The following ZDHHC14 variants were observed in gnomAD, a reference collection of about 807,000 sequenced individuals.
The protein encoded by ZDHHC14 is palmitoyltransferase ZDHHC14.
In ZDHHC14, 16 loss-of-function variants were observed where a neutral mutation model predicts 47.7. That is an observed-to-expected ratio of 0.34 (90% CI 0.23 to 0.51). The LOEUF (loss-of-function observed/expected upper bound fraction) is 0.51. Among genes scored for constraint, ZDHHC14 ranks in the 20% least tolerant of loss-of-function variants. ZDHHC14 has a pLI of 0.97. For synonymous variants in ZDHHC14, 293 were observed against 278.9 expected (o/e 1.05, Z -0.50); for missense variants, 515 against 662.5 (o/e 0.78, Z 2.44).
At chr6:157,453,980 T>C (rs1338475448) in intron 1 of ZDHHC14, among the ~76,000 whole-genome samples, 1 of 152,230 alleles carries the variant, frequency 6.6e-6, no homozygotes, top group Non-Finnish European at 1.5e-5. Flanking sequence ...GTGGGGTGTG[T>C]AACTTAGGTT....
At chr6:157,671,334 T>C (rs1185349813) in intron 8 of ZDHHC14, among the ~76,000 whole-genome samples, 1 of 152,194 alleles carries the variant, frequency 6.6e-6, no homozygotes, top group Non-Finnish European at 1.5e-5. Flanking sequence ...CCCAGGGTCT[T>C]CATTTGTGAA....
At chr6:157,577,678 T>C (rs1424826334) in intron 2 of ZDHHC14, among the ~76,000 whole-genome samples, 1 of 152,210 alleles carries the variant, frequency 6.6e-6, no homozygotes, top group African/African-American at 2.4e-5. Context: ...GCCTCCCAAG[T>C]AGCTGGGATT....
At chr6:157,415,738 G>A (rs943038876) in intron 1 of ZDHHC14, among the ~76,000 whole-genome samples, 19 of 152,230 alleles carry the variant, frequency 1.2e-4, no homozygotes, top group African/African-American at 4.6e-4. Flanking sequence ...AGCCTTCATG[G>A]TAGCATGTGC....
intron 1 of ZDHHC14, among the ~76,000 whole-genome samples, chr6:157,389,281 TTC>T (rs1403659974): frequency 1.3e-5 from 2 of 152,216 alleles, no homozygotes; most frequent in Admixed American, 6.5e-5. Flanking sequence ...TTCTGTCTTT[TTC>T]TCTCTCTTCC....
At chr6:157,603,304 GA>G (rs1784409612) in intron 3 of ZDHHC14, among the ~76,000 whole-genome samples, 1 of 152,246 alleles carries the variant, frequency 6.6e-6, no homozygotes, top group Admixed American at 6.5e-5. Flanking sequence ...ACGTAGTTAT[GA>G]AAAGATAACT....
intron 4 of ZDHHC14, 95 bp from the exon 5 acceptor site, chr6:157,632,739 A>C: frequency 8.6e-7 from 1 of 1,160,370 alleles, no homozygotes; most frequent in South Asian, 1.2e-5. Flanking sequence ...TATTTCATTG[A>C]TCTTTAGCCA....
intron 3 of ZDHHC14, among the ~76,000 whole-genome samples, chr6:157,621,450 T>G (rs900805175): frequency 6.6e-6 from 1 of 152,210 alleles, no homozygotes; most frequent in African/African-American, 2.4e-5. Flanking sequence ...AAACTTCAAT[T>G]GCACATTTCC....
intron 1 of ZDHHC14, among the ~76,000 whole-genome samples, chr6:157,530,410 A>G (rs1437085118): frequency 6.6e-6 from 1 of 152,248 alleles, no homozygotes; most frequent in Non-Finnish European, 1.5e-5. Flanking sequence ...TAAAGGAATC[A>G]TCTGTGAATG....
intron 1 of ZDHHC14, among the ~76,000 whole-genome samples, chr6:157,442,912 C>A (rs1363002813): frequency 4.6e-5 from 7 of 152,216 alleles, no homozygotes; most frequent in Non-Finnish European, 8.8e-5. Context: ...CATCACTGGG[C>A]AGACTGAGGT....
At chr6:157,419,917 A>G (rs1455266417) in intron 1 of ZDHHC14, among the ~76,000 whole-genome samples, 2 of 152,220 alleles carry the variant, frequency 1.3e-5, no homozygotes, top group African/African-American at 4.8e-5. Flanking sequence ...AGTGAATGAG[A>G]GTTCCTGCTG....
At chr6:157,490,129 T>G (rs1213773087) in intron 1 of ZDHHC14, among the ~76,000 whole-genome samples, 1 of 152,050 alleles carries the variant, frequency 6.6e-6, no homozygotes, top group Non-Finnish European at 1.5e-5. Flanking sequence ...GCTCATGCCA[T>G]TTACCGGAAT....
At chr6:157,514,021 C>T (rs1465162095) in intron 1 of ZDHHC14, among the ~76,000 whole-genome samples, 2 of 152,132 alleles carry the variant, frequency 1.3e-5, no homozygotes, top group African/African-American at 2.4e-5. Context: ...TCCTTTCTCT[C>T]GGAGGCTGGC....
chr6:157,662,053 T>TG (rs1396758976), intron 8 of ZDHHC14, among the ~76,000 whole-genome samples: 3 of 152,110 alleles, frequency 2.0e-5, no homozygotes, highest in Non-Finnish European at 4.4e-5. Flanking sequence ...CATGGAGTAA[T>TG]GGAAGAGTTA....
intron 1 of ZDHHC14, among the ~76,000 whole-genome samples, chr6:157,419,071 A>G (rs1278847114): frequency 6.6e-6 from 1 of 152,204 alleles, no homozygotes; most frequent in Admixed American, 6.5e-5. Context: ...TTGGAATAGG[A>G]CTGGGGAATT....
At chr6:157,507,728 G>A (rs1474923) in intron 1 of ZDHHC14, among the ~76,000 whole-genome samples, 102,843 of 151,888 alleles carry the variant, frequency 0.68, 35,622 homozygotes, top group African/African-American at 0.83. Context: ...CACTGCTGTC[G>A]CTCCAGAGTC....
intron 3 of ZDHHC14, among the ~76,000 whole-genome samples, chr6:157,624,583 A>G (rs1279799542): frequency 1.3e-5 from 2 of 152,220 alleles, no homozygotes; most frequent in Non-Finnish European, 2.9e-5. Context: ...TGCTGGGTAC[A>G]TGGAAAATAC....
In ZDHHC14 at chr6:157,427,845, G is replaced by A. The variant is rs1279663958; in HGVS notation, c.245+45579G>A. ...GACATTGTGGCCCCCAAGGACAATG[G>A]AATGGTGGGGCTCTAGTCTTCATCT... On this transcript the variant is annotated intron_variant, in intron 1 of 8. Transcript: ENST00000359775. This position sits in a 1 kb window ranked among gnomAD's most constrained non-coding sequence, Gnocchi z 4.4. Among the ~76,000 whole-genome samples, 2 of 152,134 alleles carry A rather than the reference G, an allele frequency of 1.3e-5. No homozygotes were observed. Among genetic ancestry groups the A allele is most frequent in the Non-Finnish European group, 2.9e-5 (2 of 68,036 alleles).
intron 1 of ZDHHC14, among the ~76,000 whole-genome samples, chr6:157,474,366 C>T (rs1220282029): frequency 6.6e-6 from 1 of 152,176 alleles, no homozygotes; most frequent in Non-Finnish European, 1.5e-5. Context: ...GATAATACTG[C>T]AATGAATATG....
chr6:157,391,258 G>A (rs1219111449), intron 1 of ZDHHC14, among the ~76,000 whole-genome samples: 1 of 152,110 alleles, frequency 6.6e-6, no homozygotes, highest in African/African-American at 2.4e-5. Context: ...TGGGTCACTG[G>A]GGAGTTGTCT....
Sources: gnomAD v4.1 joint callset for allele counts (sites outside exome capture counted in the v4.1 genomes callset) on GRCh38, gnomAD v4.1.1 for gene constraint, Gnocchi (gnomAD v3.1) non-coding constraint, MANE v1.5 for transcripts, NCBI Gene and HGNC (gene_info 2026-07-23, HGNC 2026-07-21) for gene names.